Variants in SOX6 observed in about 807,000 individuals in gnomAD.
The protein encoded by SOX6 is SRY-box transcription factor 6, also known as transcription factor SOX-6.
SOX6 carries 11 observed loss-of-function variants against 97.8 expected under a neutral mutation model. That is an observed-to-expected ratio of 0.11 (90% confidence interval 0.07 to 0.19). The LOEUF (loss-of-function observed/expected upper bound fraction) is 0.19, where lower values mean the gene tolerates loss of function less well. Among genes scored for constraint, SOX6 ranks in the 10% least tolerant of loss-of-function variants. The pLI is 1.00. For missense variants in SOX6, 810 were observed against 1,039.5 expected (o/e 0.78, Z 3.04); for synonymous variants, 360 against 371.4 (o/e 0.97, Z 0.35).
chr11:16,193,614 G>T (rs907058117), intron 4 of SOX6, among the ~76,000 whole-genome samples: 1 of 152,140 alleles, frequency 6.6e-6, no homozygotes, highest in South Asian at 2.1e-4. Context: ...GGTAGGGGTG[G>T]CACTGACACT....
chr11:16,364,716 A>G (rs1857305270), intron 1 of SOX6, among the ~76,000 whole-genome samples: 1 of 152,164 alleles, frequency 6.6e-6, no homozygotes, highest in Non-Finnish European at 1.5e-5. Context: ...AATTGCTAGT[A>G]TTATCACTCA....
rs972001090 is a variant in SOX6, at chr11:16,283,058, T to C, written c.445+35388A>G. Among the ~76,000 whole-genome samples, 5 of 137,100 alleles carry C rather than the reference T, an allele frequency of 3.6e-5. No individual in the cohort carries two copies. In the Admixed American group the frequency reaches 4.0e-4, roughly 11 times the overall value. The allele number at this position is 137,100 out of a possible 152,430, so 89.9% of individuals were successfully genotyped here. On this transcript the variant is annotated intron_variant, in intron 3 of 15. Coordinates refer to ENST00000683767, the MANE Select transcript of SOX6 (RefSeq NM_001367873.1). Reference sequence around the variant, plus strand: ...ATATATATATGTAAATTATATATAATTTGTATATATATGTAAATTATATAT... The same window carrying C: ...ATATATATATGTAAATTATATATAACTTGTATATATATGTAAATTATATAT...
At chr11:16,725,555 T>C (rs1342141003) in intron 2 of SOX6, among the ~76,000 whole-genome samples, 1 of 151,674 alleles carries the variant, frequency 6.6e-6, no homozygotes, top group Non-Finnish European at 1.5e-5. Flanking sequence ...AGACCACATA[T>C]TGTATGATTC....
At chr11:15,982,739 T>C (rs182539036) in intron 15 of SOX6, among the ~76,000 whole-genome samples, 129 of 152,188 alleles carry the variant, frequency 8.5e-4, no homozygotes, top group African/African-American at 3.0e-3. Context: ...ATAGTGTACT[T>C]TAGCAATAAT....
chr11:16,160,413 A>G (rs1216116199), intron 6 of SOX6, among the ~76,000 whole-genome samples: 1 of 152,202 alleles, frequency 6.6e-6, no homozygotes, highest in Non-Finnish European at 1.5e-5. Flanking sequence ...TATGTTTTAC[A>G]GTATTTCTGT....
intron 12 of SOX6, among the ~76,000 whole-genome samples, chr11:16,041,793 A>G (rs2133900460): frequency 6.6e-6 from 1 of 152,300 alleles, no homozygotes; most frequent in South Asian, 2.1e-4. Flanking sequence ...TAGTTTATAC[A>G]AGTTACTCCA....
intron 3 of SOX6, among the ~76,000 whole-genome samples, chr11:16,236,451 C>T (rs764474840): frequency 2.0e-5 from 3 of 151,906 alleles, no homozygotes; most frequent in Non-Finnish European, 2.9e-5. Context: ...ATTGATATAA[C>T]GTTAGAGTAT....
chr11:16,326,860 GCTT>G (rs914693891), intron 2 of SOX6, among the ~76,000 whole-genome samples: 2 of 152,170 alleles, frequency 1.3e-5, no homozygotes, highest in Non-Finnish European at 2.9e-5. Context: ...AAGGCCAAAG[GCTT>G]CTTTACTCAC....
chr11:16,636,385 A>T (rs1377091748), intron 3 of SOX6, among the ~76,000 whole-genome samples: 1 of 152,148 alleles, frequency 6.6e-6, no homozygotes, highest in Non-Finnish European at 1.5e-5. Flanking sequence ...AATTTCTCCC[A>T]TTAGGAATGG....
chr11:16,589,597 G>T (rs1351768149), intron 4 of SOX6, among the ~76,000 whole-genome samples: 8 of 151,986 alleles, frequency 5.3e-5, no homozygotes, highest in Admixed American at 5.2e-4. Flanking sequence ...TAGCTCAATA[G>T]CAGGCATATT....
At chr11:16,477,406 A>C (rs1161748979), upstream of SOX6, among the ~76,000 whole-genome samples, 1 of 152,224 alleles carries the variant, frequency 6.6e-6, no homozygotes, top group Non-Finnish European at 1.5e-5. Flanking sequence ...CCAACTTGCA[A>C]TTATAGCACA....
intron 6 of SOX6, among the ~76,000 whole-genome samples, chr11:16,136,437 G>T (rs766914259): frequency 6.9e-6 from 1 of 145,020 alleles, no homozygotes; most frequent in Non-Finnish European, 1.5e-5. Context: ...GTCTCACTTC[G>T]TCACCCAGGC....
At chr11:16,526,039 C>T (rs1861157620) in intron 4 of SOX6, among the ~76,000 whole-genome samples, 1 of 152,076 alleles carries the variant, frequency 6.6e-6, no homozygotes, top group South Asian at 2.1e-4. Flanking sequence ...GTTGGTGGGA[C>T]TGTAAACTAG....
intron 3 of SOX6, among the ~76,000 whole-genome samples, chr11:16,619,491 G>T (rs928648599): frequency 6.6e-6 from 1 of 151,854 alleles, no homozygotes; most frequent in Non-Finnish European, 1.5e-5. Context: ...TATTATCCAC[G>T]ATGTCTTTCA....
chr11:16,292,194 AAAG>A (rs1253567079), intron 3 of SOX6, among the ~76,000 whole-genome samples: 2 of 152,164 alleles, frequency 1.3e-5, no homozygotes, highest in Admixed American at 6.6e-5. Flanking sequence ...GGGGAAAAAC[AAAG>A]AAGAACTGAA....
At chr11:16,022,331 T>TTCCTTCCTTCCTTCCTTCCTTCC (rs1855085967) in intron 12 of SOX6, among the ~76,000 whole-genome samples, 1 of 113,790 alleles carries the variant, frequency 8.8e-6, no homozygotes, top group African/African-American at 3.6e-5. Context: ...TCCTTCCTTC[T>TTCCTTCCTTCCTTCCTTCCTTCC]TTCCTTCCTT....
At chr11:16,711,418 G>A (rs1002609859) in intron 3 of SOX6, among the ~76,000 whole-genome samples, 8 of 107,806 alleles carry the variant, frequency 7.4e-5, no homozygotes, top group African/African-American at 2.1e-4. Context: ...CAGCTACTGG[G>A]GGGTGGAGAT....
chr11:16,212,281 C>CT (rs1852253138), intron 4 of SOX6, among the ~76,000 whole-genome samples: 1 of 151,900 alleles, frequency 6.6e-6, no homozygotes, highest in African/African-American at 2.4e-5. Context: ...GCAGAGCTTG[C>CT]TTTTATTTTT....
chr11:16,042,370 G>T (rs1855693989), intron 12 of SOX6, among the ~76,000 whole-genome samples: 1 of 152,156 alleles, frequency 6.6e-6, no homozygotes, highest in African/African-American at 2.4e-5. Context: ...TGGCAGGAAA[G>T]AATACCCTAC....
Sources: gnomAD v4.1 joint callset for allele counts (sites outside exome capture counted in the v4.1 genomes callset) on GRCh38, gnomAD v4.1.1 for gene constraint, MANE v1.5 for transcripts, NCBI Gene and HGNC (gene_info 2026-07-23, HGNC 2026-07-21) for gene names.